The following CSTPP1 variants were observed in gnomAD, a reference collection of about 807,000 sequenced individuals.
CSTPP1 encodes the protein centriolar satellite-associated tubulin polyglutamylase complex regulator 1.
chr11:46,982,964 A>G, the CSTPP1 span, among the ~76,000 whole-genome samples: 2 of 152,214 alleles, frequency 1.3e-5, no homozygotes, highest in Non-Finnish European at 2.9e-5. Flanking sequence ...GGTAACTTAT[A>G]TGAAGTTACA....
At chr11:47,011,087 T>G in the CSTPP1 span, among the ~76,000 whole-genome samples, 6 of 152,154 alleles carry the variant, frequency 3.9e-5, no homozygotes, top group African/African-American at 1.4e-4. Flanking sequence ...TAAAACTAAT[T>G]TTTAAGTGGT....
At chr11:47,123,343 TA>T in the CSTPP1 span, 1 of 152,192 alleles carries the variant, frequency 6.6e-6, no homozygotes, top group Non-Finnish European at 1.5e-5. Flanking sequence ...GATTTTTTTC[TA>T]AAAAAGAGAG....
At chr11:46,941,371 G>A in the CSTPP1 span, among the ~76,000 whole-genome samples, 4 of 151,516 alleles carry the variant, frequency 2.6e-5, no homozygotes, top group South Asian at 6.2e-4. Flanking sequence ...ACGGAGTCTC[G>A]CTCTGTCACC....
chr11:47,137,449 C>T, the CSTPP1 span: 1 of 1,507,860 alleles, frequency 6.6e-7, no homozygotes, highest in Non-Finnish European at 8.8e-7. Flanking sequence ...TGCCTCCCAC[C>T]CTGGAAAAGC....
the CSTPP1 span, among the ~76,000 whole-genome samples, chr11:47,022,801 TAAG>T: frequency 1.3e-5 from 2 of 152,148 alleles, no homozygotes; most frequent in East Asian, 3.8e-4. Flanking sequence ...GTAATAATAA[TAAG>T]ATAGTCCCCG....
chr11:47,142,076 C>G, the CSTPP1 span, among the ~76,000 whole-genome samples: 1 of 151,584 alleles, frequency 6.6e-6, no homozygotes, highest in Non-Finnish European at 1.5e-5. Flanking sequence ...AACCCCATCT[C>G]TACTAAAAAT....
At chr11:46,972,796 G>A in the CSTPP1 span, among the ~76,000 whole-genome samples, 1 of 152,128 alleles carries the variant, frequency 6.6e-6, no homozygotes, top group Non-Finnish European at 1.5e-5. Context: ...AAATCTTCAT[G>A]TATGTTTGTG....
chr11:47,002,144 C>T, the CSTPP1 span, among the ~76,000 whole-genome samples: 1 of 141,332 alleles, frequency 7.1e-6, no homozygotes, highest in Non-Finnish European at 1.5e-5. Context: ...CAGAAAATTA[C>T]CCGTTTCTCA....
chr11:46,948,222 G>A, the CSTPP1 span: 3 of 449,648 alleles, frequency 6.7e-6, no homozygotes, highest in African/African-American at 2.0e-5. Context: ...TGGGCGCTTG[G>A]GCTGGCCTCC....
chr11:47,112,857 A>G, the CSTPP1 span, among the ~76,000 whole-genome samples: 3 of 152,098 alleles, frequency 2.0e-5, no homozygotes, highest in African/African-American at 4.8e-5. Flanking sequence ...TATTTTTATT[A>G]TATTTTAAGT....
the CSTPP1 span, among the ~76,000 whole-genome samples, chr11:46,998,795 G>A: frequency 6.6e-6 from 1 of 151,996 alleles, no homozygotes; most frequent in East Asian, 1.9e-4. Flanking sequence ...GGGTGCAGTG[G>A]CGCGATCTCG....
chr11:46,964,885 C>T, the CSTPP1 span, among the ~76,000 whole-genome samples: 25 of 152,052 alleles, frequency 1.6e-4, no homozygotes, highest in Non-Finnish European at 2.5e-4. Flanking sequence ...ATTCATCTCC[C>T]GGGACTGACT....
At chr11:46,974,898 AC>A in the CSTPP1 span, among the ~76,000 whole-genome samples, 4 of 140,522 alleles carry the variant, frequency 2.8e-5, no homozygotes, top group South Asian at 8.8e-4. Flanking sequence ...ACACACACAC[AC>A]ACACAATACT....
chr11:47,093,356 A>G, the CSTPP1 span, among the ~76,000 whole-genome samples: 4 of 152,348 alleles, frequency 2.6e-5, no homozygotes, highest in Middle Eastern at 3.4e-3. Context: ...ACTTAATACA[A>G]TAAGAACAGA....
chr11:47,110,653 G>A, the CSTPP1 span, among the ~76,000 whole-genome samples: 1 of 152,290 alleles, frequency 6.6e-6, no homozygotes, highest in East Asian at 1.9e-4. Context: ...GTGGTGCCTG[G>A]CTTTGCTTTC....
At chr11:47,038,332 A>AT in the CSTPP1 span, among the ~76,000 whole-genome samples, 2 of 52,220 alleles carry the variant, frequency 3.8e-5, no homozygotes, top group Admixed American at 2.4e-4. Context: ...CGGGGGGCTG[A>AT]CCCCCCACCT....
At chr11:47,098,381 C>G in the CSTPP1 span, among the ~76,000 whole-genome samples, 2 of 151,808 alleles carry the variant, frequency 1.3e-5, no homozygotes, top group African/African-American at 2.4e-5. Context: ...CAGTGTCCAG[C>G]ATACTACTCT....
chr11:47,118,179 C>T, the CSTPP1 span, among the ~76,000 whole-genome samples: 1 of 152,024 alleles, frequency 6.6e-6, no homozygotes, highest in African/African-American at 2.4e-5. Flanking sequence ...CGCCTGGCCT[C>T]TTGCTGTATT....
the CSTPP1 span, among the ~76,000 whole-genome samples, chr11:47,103,223 C>T: frequency 6.6e-6 from 1 of 151,842 alleles, no homozygotes; most frequent in Non-Finnish European, 1.5e-5. Context: ...CATAGTGAGA[C>T]CTCATCTCTA....
Sources: allele counts gnomAD v4.1 joint callset (sites outside exome capture counted in the v4.1 genomes callset), GRCh38; gene constraint gnomAD v4.1.1; transcripts MANE v1.5; gene names NCBI Gene and HGNC (gene_info 2026-07-23, HGNC 2026-07-21).